Variants in SPATA17 observed in about 807,000 individuals in gnomAD.
The protein encoded by SPATA17 is spermatogenesis associated 17.
A neutral mutation model predicts 62.2 loss-of-function variants in SPATA17; 53 were observed. That is an observed-to-expected ratio of 0.85 (90% CI 0.68 to 1.07). The LOEUF is 1.07. Among genes scored for constraint, SPATA17 ranks in the 50% least tolerant of loss-of-function variants. The pLI is 0.00. For missense variants in SPATA17, 466 were observed against 425.5 expected, an observed-to-expected ratio of 1.10 and a Z score of -0.84; for synonymous variants, 146 against 146.8, an observed-to-expected ratio of 0.99 and a Z score of 0.04.
rs1049437479 is a variant in SPATA17 at position 217,784,666 on chromosome 1, T to C, written c.872+2344T>C. The stretch of plus-strand genomic sequence containing the variant: ...TGTCAGGAACATAGTAGGGTCTTAA[T>C]AAAAGAGAATTATTAACATGCTTTG... On this transcript the variant is annotated intron_variant, in intron 8 of 10. Transcript: ENST00000366933. Among the ~76,000 whole-genome samples the C allele has an allele frequency of 2.2e-4, 34 of 152,154 alleles. 1 individual carries two copies.
intron 5 of SPATA17, among the ~76,000 whole-genome samples, chr1:217,718,814 GT>G (rs1291027724): frequency 2.6e-5 from 4 of 152,142 alleles, no homozygotes; most frequent in African/African-American, 9.7e-5. Context: ...CAAATTGGTT[GT>G]TTTGGATGAA....
rs964585174 is a variant in SPATA17, at chr1:217,868,777, T to G, written c.*1758T>G. 2.0e-5 allele frequency: 3 copies of G among 146,440 alleles called. No homozygotes were observed. Among genetic ancestry groups the G allele is most frequent in the Non-Finnish European group, 3.0e-5 (2 of 67,186 alleles). The allele number at this position is 146,440 out of a possible 1,614,324, so 9.1% of individuals were successfully genotyped here. A position where few individuals can be genotyped will look rare whatever the true frequency, so the allele number is the denominator to read the frequency against. ...TCACTGCAACCTTCACCTCCCAGGC[T>G]CAAGCAGTCCTCCCATCTCAGCCTC... is the stretch of plus-strand genomic sequence containing the variant. On this transcript the variant is annotated 3_prime_UTR_variant, in exon 11 of 11. Transcript: ENST00000366933.
At chr1:217,777,895 A>C (rs1333124881) in intron 7 of SPATA17, among the ~76,000 whole-genome samples, 2 of 152,136 alleles carry the variant, frequency 1.3e-5, no homozygotes, top group African/African-American at 2.4e-5. Context: ...TTTAAATAAG[A>C]GTTATATCAA....
At chr1:217,839,526 G>GT in intron 9 of SPATA17, among the ~76,000 whole-genome samples, 1 of 151,938 alleles carries the variant, frequency 6.6e-6, no homozygotes, top group South Asian at 2.1e-4. Flanking sequence ...AGCTTAGACT[G>GT]TTTTTTGAAA....
intron 1 of SPATA17, among the ~76,000 whole-genome samples, chr1:217,633,503 TGGGAGGCCA>T (rs145668153): frequency 0.14 from 20,930 of 152,198 alleles, 1,586 homozygotes; most frequent in Non-Finnish European, 0.18. Context: ...CCCAGCACGT[TGGGAGGCCA>T]GGGCAGGCGG....
At chr1:217,721,310 A>G (rs1672121968) in intron 5 of SPATA17, among the ~76,000 whole-genome samples, 1 of 152,138 alleles carries the variant, frequency 6.6e-6, no homozygotes, top group Non-Finnish European at 1.5e-5. Context: ...GAGGGGGCTT[A>G]TGTTACTGGT....
intron 5 of SPATA17, 139 bp from the exon 6 acceptor site, chr1:217,741,836 G>T (rs1672630991): frequency 1.3e-6 from 1 of 787,034 alleles, no homozygotes; most frequent in Non-Finnish European, 1.9e-6. Flanking sequence ...TGTAGAAAAT[G>T]CAGGTAAGAT....
chr1:217,799,832 G>T (rs1385055399), intron 8 of SPATA17, among the ~76,000 whole-genome samples: 3 of 151,844 alleles, frequency 2.0e-5, no homozygotes, highest in African/African-American at 7.2e-5. Context: ...TTGGCATATA[G>T]TAATGGCTCA....
chr1:217,821,369 A>G (rs1372681077), intron 9 of SPATA17, among the ~76,000 whole-genome samples: 2 of 152,118 alleles, frequency 1.3e-5, no homozygotes, highest in Admixed American at 1.3e-4. Flanking sequence ...AATGTGAGGA[A>G]GGCTAAGAGA....
At chr1:217,657,240 A>G (rs1265059741) in intron 3 of SPATA17, among the ~76,000 whole-genome samples, 1 of 152,150 alleles carries the variant, frequency 6.6e-6, no homozygotes, top group South Asian at 2.1e-4. Context: ...CCCAGAAGCC[A>G]TAGGAATGCC....
intron 6 of SPATA17, among the ~76,000 whole-genome samples, chr1:217,762,985 AC>A (rs1673210002): frequency 6.6e-6 from 1 of 152,084 alleles, no homozygotes; most frequent in African/African-American, 2.4e-5. Flanking sequence ...ACAAAAAACA[AC>A]CCCACTAACT....
rs1291746014 is a variant in SPATA17 at position 217,656,107 on chromosome 1, CTCCTGACCTCAGATGA to C, written c.240+4933_240+4948del. On this transcript the variant is annotated intron_variant, in intron 3 of 10. Transcript: ENST00000366933. ...CCATGTTGGCCAGGCTGGTCTCGAA[CTCCTGACCTCAGATGA>C]TCCACCCGCCTTGGCCTCCAAAAAT... Among the ~76,000 whole-genome samples the C allele has an allele frequency of 7.9e-5, 12 of 152,148 alleles. No individual in the cohort carries two copies. In the South Asian group the frequency reaches 2.5e-3, roughly 32 times the overall value.
chr1:217,802,209 G>A (rs150617024), intron 9 of SPATA17, among the ~76,000 whole-genome samples: 5 of 152,096 alleles, frequency 3.3e-5, no homozygotes, highest in African/African-American at 1.2e-4. Flanking sequence ...ATCTATGTAT[G>A]TATGTTTATA....
At chr1:217,865,946 A>G (rs551806078) in intron 10 of SPATA17, among the ~76,000 whole-genome samples, 83 of 152,298 alleles carry the variant, frequency 5.4e-4, no homozygotes, top group African/African-American at 1.9e-3. Flanking sequence ...CTCCTTTTCC[A>G]TAGGAATTTG....
At chr1:217,773,795 A>T (rs926908057) in intron 6 of SPATA17, among the ~76,000 whole-genome samples, 2 of 152,084 alleles carry the variant, frequency 1.3e-5, no homozygotes, top group African/African-American at 4.8e-5. Context: ...CTGTAGCATT[A>T]TAGGTGATAC....
At chr1:217,858,825 C>T (rs1216912825) in intron 9 of SPATA17, among the ~76,000 whole-genome samples, 2 of 151,898 alleles carry the variant, frequency 1.3e-5, no homozygotes, top group East Asian at 1.9e-4. Flanking sequence ...GTCGGGAGTT[C>T]GAGACCAGCC....
chr1:217,763,432 G>A (rs1673219567), intron 6 of SPATA17, among the ~76,000 whole-genome samples: 2 of 152,016 alleles, frequency 1.3e-5, no homozygotes, highest in Non-Finnish European at 2.9e-5. Flanking sequence ...TTTGAGTCAT[G>A]GATATAACTG....
intron 9 of SPATA17, among the ~76,000 whole-genome samples, chr1:217,862,108 A>G (rs1675908560): frequency 6.6e-6 from 1 of 152,078 alleles, no homozygotes; most frequent in Non-Finnish European, 1.5e-5. Flanking sequence ...TTCATTAACA[A>G]TAGACCTCCT....
At chr1:217,672,636 A>T (rs928136699) in intron 4 of SPATA17, among the ~76,000 whole-genome samples, 3 of 151,944 alleles carry the variant, frequency 2.0e-5, no homozygotes, top group African/African-American at 7.3e-5. Flanking sequence ...TTTGTAATGA[A>T]GAACAAATTA....
Sources: gnomAD v4.1 joint callset for allele counts (sites outside exome capture counted in the v4.1 genomes callset) on GRCh38, gnomAD v4.1.1 for gene constraint, MANE v1.5 for transcripts, NCBI Gene and HGNC (gene_info 2026-07-23, HGNC 2026-07-21) for gene names.